Variants in MARCHF10 observed in about 807,000 individuals in gnomAD.
MARCHF10 encodes the protein probable E3 ubiquitin-protein ligase MARCHF10.
Under a neutral mutation model 76.2 loss-of-function variants are expected in MARCHF10, and 64 were observed. The ratio of observed to expected loss-of-function variants is 0.84; its 90% CI spans 0.69 to 1.03. The LOEUF is 1.03. MARCHF10 is among the 50% of genes least tolerant of loss of function. The pLI is 0.00. For synonymous variants in MARCHF10, 340 were observed against 357.5 expected, an observed-to-expected ratio of 0.95 and a Z score of 0.55; for missense variants, 875 against 958.0, an observed-to-expected ratio of 0.91 and a Z score of 1.14.
chr17:62,723,274 G>A (rs148077214), intron 7 of MARCHF10, among the ~76,000 whole-genome samples: 1,556 of 150,524 alleles, frequency 0.01, 24 homozygotes, highest in African/African-American at 0.036. Context: ...TGCAAAAGTG[G>A]AGGATGCAGA....
chr17:62,707,930 C>T (rs2089690841), intron 9 of MARCHF10, among the ~76,000 whole-genome samples: 1 of 152,028 alleles, frequency 6.6e-6, no homozygotes, highest in Non-Finnish European at 1.5e-5. Flanking sequence ...TAGCAAGACC[C>T]CCATCTCTAC....
At chr17:62,784,186 C>G (rs1425820734) in intron 3 of MARCHF10, among the ~76,000 whole-genome samples, 2 of 152,148 alleles carry the variant, frequency 1.3e-5, no homozygotes, top group Non-Finnish European at 2.9e-5. Context: ...ATGATCAAGT[C>G]CGCTTCATCC....
At chr17:62,770,912 G>C (rs2092433833) in intron 3 of MARCHF10, among the ~76,000 whole-genome samples, 2 of 132,400 alleles carry the variant, frequency 1.5e-5, no homozygotes, top group African/African-American at 5.8e-5. Flanking sequence ...CTAGAATGCA[G>C]TGGCATGATC....
intron 3 of MARCHF10, among the ~76,000 whole-genome samples, chr17:62,786,074 C>T (rs55721287): frequency 0.079 from 12,063 of 152,160 alleles, 1,527 homozygotes; most frequent in African/African-American, 0.27. Flanking sequence ...TATAAAGACA[C>T]ATACACACTT....
chr17:62,739,687 T>C (rs1196002464), intron 5 of MARCHF10, among the ~76,000 whole-genome samples: 3 of 151,340 alleles, frequency 2.0e-5, no homozygotes, highest in Non-Finnish European at 4.4e-5. Context: ...GGCCGGCTGA[T>C]GACTTTTTGT....
At position 62,711,191 on chromosome 17, in the gene MARCHF10, G is replaced by C. The variant is rs761827373; in HGVS notation, c.2328+40C>G. 1 of 1,568,714 alleles carries C rather than the reference G, an allele frequency of 6.4e-7. No individual in the cohort carries two copies. On this transcript the variant is annotated intron_variant, in intron 9 of 10. Transcript: ENST00000311269. This position sits in a 1 kb window ranked among gnomAD's most constrained non-coding sequence, Gnocchi z 4.4. ...AATAAACAGCACTGCAGGGTTTTCA[G>C]GGCTGCCACCGGACAGCTCTGGGTC...
intron 9 of MARCHF10, among the ~76,000 whole-genome samples, chr17:62,707,241 C>T (rs1041646520): frequency 1.3e-5 from 2 of 152,224 alleles, no homozygotes; most frequent in Non-Finnish European, 2.9e-5. Context: ...CCTCCAGAGC[C>T]GCTCACAAAC....
At chr17:62,762,468 G>A (rs949334031) in intron 3 of MARCHF10, among the ~76,000 whole-genome samples, 1 of 152,210 alleles carries the variant, frequency 6.6e-6, no homozygotes, top group African/African-American at 2.4e-5. Flanking sequence ...TTGCCTCATT[G>A]AGAAATCTTA....
At chr17:62,742,692 TTTTTCTTTTTTC>T (rs1455068990) in intron 5 of MARCHF10, among the ~76,000 whole-genome samples, 1 of 103,340 alleles carries the variant, frequency 9.7e-6, no homozygotes, top group Non-Finnish European at 2.3e-5. Context: ...CTTCCTTTCT[TTTTTCTTTTTTC>T]TTTTTTTTTT....
intron 3 of MARCHF10, among the ~76,000 whole-genome samples, chr17:62,785,845 T>C (rs1197406249): frequency 6.6e-6 from 1 of 152,172 alleles, no homozygotes; most frequent in East Asian, 1.9e-4. Flanking sequence ...TCACACCAGT[T>C]AGAATGGCAA....
At chr17:62,801,511 G>T in intron 2 of MARCHF10, 135 bp downstream of exon 2, 4 of 467,846 alleles carry the variant, frequency 8.5e-6, no homozygotes, top group Non-Finnish European at 7.8e-6. Context: ...AGTGGCTTTT[G>T]CTAGTTACAT....
intron 4 of MARCHF10, among the ~76,000 whole-genome samples, chr17:62,756,961 C>T (rs1285125278): frequency 6.6e-6 from 1 of 152,172 alleles, no homozygotes; most frequent in Non-Finnish European, 1.5e-5. Context: ...CAATCTGATG[C>T]CTTCTCAGTT....
At chr17:62,719,114 C>A (rs1278671989) in intron 8 of MARCHF10, among the ~76,000 whole-genome samples, 1 of 152,156 alleles carries the variant, frequency 6.6e-6, no homozygotes, top group Non-Finnish European at 1.5e-5. Flanking sequence ...TAATTGACTG[C>A]TTATAAAGTG....
At chr17:62,762,856 C>G (rs1445544172) in intron 3 of MARCHF10, among the ~76,000 whole-genome samples, 1 of 152,170 alleles carries the variant, frequency 6.6e-6, no homozygotes, top group Non-Finnish European at 1.5e-5. Flanking sequence ...TATCCTCTTT[C>G]ATGAAACCCC....
At position 62,725,076 on chromosome 17, in the gene MARCHF10, C is replaced by T; in HGVS notation, c.1966G>A (p.Gly656Arg). ...ATCTGACAGATGCGACACAAGTCTC[C>T]CTCCTCCTCGGAGTCCTCCTCCAGG... is the stretch of plus-strand genomic sequence containing the variant. ...SLLEEDSEEE[G>R]DLCRICQIAG... Residue 656 changes from glycine to arginine, a missense_variant, in exon 7 of 11, where the codon GGA becomes AGA. Transcript: ENST00000311269. 1 of 1,601,618 alleles carries T rather than the reference C, an allele frequency of 6.2e-7. No homozygotes were observed. The highest frequency in any genetic ancestry group is 2.3e-5 in the East Asian group (1 of 44,132).
At chr17:62,764,019 G>T (rs966418235) in intron 3 of MARCHF10, among the ~76,000 whole-genome samples, 3 of 152,110 alleles carry the variant, frequency 2.0e-5, no homozygotes, top group Non-Finnish European at 4.4e-5. Context: ...AAGTAGCATT[G>T]GGCAGTGAGG....
At chr17:62,794,287 TCCA>T (rs1217880840) in intron 2 of MARCHF10, among the ~76,000 whole-genome samples, 1 of 151,862 alleles carries the variant, frequency 6.6e-6, no homozygotes, top group Admixed American at 6.6e-5. Context: ...CACTGCTGCC[TCCA>T]CCACCACTGC....
In MARCHF10 at chr17:62,801,654, C is replaced by CA. The variant is rs1347431157; in HGVS notation, c.81dup (p.Glu28Ter). On this transcript the variant is annotated frameshift_variant, in exon 2 of 11. Coordinates refer to ENST00000311269, the MANE Select transcript of MARCHF10 (RefSeq NM_152598.4). LOFTEE classifies it high-confidence loss of function. ...TTGCTTTCTGCAATTACCTGATACTCAGAGTCCACCTTATGCTGCATGTCC... is the reference window on the plus strand; with the variant it reads ...TTGCTTTCTGCAATTACCTGATACTCAAGAGTCCACCTTATGCTGCATGTCC... 8.7e-6 allele frequency: 14 copies of CA among 1,613,834 alleles called. No homozygotes were observed. The highest frequency in any genetic ancestry group is 1.2e-5 in the Non-Finnish European group (14 of 1,179,874).
At chr17:62,771,798 A>G (rs561365844) in intron 3 of MARCHF10, among the ~76,000 whole-genome samples, 34 of 152,026 alleles carry the variant, frequency 2.2e-4, no homozygotes, top group African/African-American at 8.0e-4. Flanking sequence ...GCTGGTCTCA[A>G]ACTCCTGACC....
Sources: gnomAD v4.1 joint callset for allele counts (sites outside exome capture counted in the v4.1 genomes callset) on GRCh38, gnomAD v4.1.1 for gene constraint, Gnocchi (gnomAD v3.1) non-coding constraint, MANE v1.5 for transcripts, NCBI Gene and HGNC (gene_info 2026-07-23, HGNC 2026-07-21) for gene names.